The following TMEM163 variants were observed in gnomAD, a reference collection of about 807,000 sequenced individuals.
TMEM163 encodes transmembrane protein 163.
A neutral mutation model predicts 29.3 loss-of-function variants in TMEM163; 17 were observed. The observed-to-expected ratio is 0.58, with a 90% CI of 0.40 to 0.87. TMEM163 has a LOEUF of 0.87. Ranked by LOEUF, TMEM163 falls within the 40% of genes least tolerant of loss-of-function variation. TMEM163 has a pLI of 0.00. For synonymous variants in TMEM163, 157 were observed against 160.6 expected, an observed-to-expected ratio of 0.98 and a Z score of 0.17; for missense variants, 303 against 381.5, an observed-to-expected ratio of 0.79 and a Z score of 1.71.
intron 5 of TMEM163, among the ~76,000 whole-genome samples, chr2:134,480,873 C>T (rs1687037184): frequency 1.3e-5 from 2 of 152,110 alleles, no homozygotes; most frequent in Admixed American, 1.3e-4. Flanking sequence ...AATTAGCATA[C>T]AATAAAGGTA....
At chr2:134,630,121 T>C (rs1171787522) in intron 2 of TMEM163, among the ~76,000 whole-genome samples, 1 of 152,200 alleles carries the variant, frequency 6.6e-6, no homozygotes, top group Non-Finnish European at 1.5e-5. Context: ...AATCTGGGCT[T>C]CATTCCTGTC....
chr2:134,545,095 A>G (rs1558940221), intron 4 of TMEM163, among the ~76,000 whole-genome samples: 2 of 152,162 alleles, frequency 1.3e-5, no homozygotes, highest in Non-Finnish European at 1.5e-5. Context: ...AGAAAAAACC[A>G]CACATGCTAT....
chr2:134,492,053 G>A (rs968813216), intron 5 of TMEM163, among the ~76,000 whole-genome samples: 3 of 152,222 alleles, frequency 2.0e-5, no homozygotes, highest in South Asian at 2.1e-4. Context: ...GAGATCGGCC[G>A]TGGTTCAGCA....
chr2:134,708,560 T>A (rs1373622013), intron 2 of TMEM163, among the ~76,000 whole-genome samples: 1 of 151,328 alleles, frequency 6.6e-6, no homozygotes, highest in East Asian at 1.9e-4. Flanking sequence ...ATTTTTTATA[T>A]ATTTTTTAAT....
intron 2 of TMEM163, among the ~76,000 whole-genome samples, chr2:134,683,322 G>A (rs944501193): frequency 1.3e-5 from 2 of 151,954 alleles, no homozygotes; most frequent in African/African-American, 2.4e-5. Context: ...TATTGATAAC[G>A]GGGGGAAGCT....
chr2:134,604,938 G>A (rs549850176), intron 2 of TMEM163, among the ~76,000 whole-genome samples: 82 of 152,240 alleles, frequency 5.4e-4, no homozygotes, highest in African/African-American at 1.9e-3. Flanking sequence ...CCAGCACTTT[G>A]GGAGGCTGAG....
intron 5 of TMEM163, among the ~76,000 whole-genome samples, chr2:134,491,376 C>A (rs1679426973): frequency 6.6e-6 from 1 of 152,218 alleles, no homozygotes; most frequent in African/African-American, 2.4e-5. Context: ...GGGAGTTCAC[C>A]CCATTCAGGA....
At chr2:134,702,582 C>T (rs1204917821) in intron 2 of TMEM163, among the ~76,000 whole-genome samples, 1 of 152,028 alleles carries the variant, frequency 6.6e-6, no homozygotes, top group East Asian at 1.9e-4. Context: ...AAGGTCAAGG[C>T]TGCAGTGAGC....
At chr2:134,466,685 G>A (rs1574153042) in intron 5 of TMEM163, 1 of 159,500 alleles carries the variant, frequency 6.3e-6, no homozygotes, top group East Asian at 1.8e-4. Context: ...GTCAGTTAGG[G>A]CCAGAGCTAC....
intron 5 of TMEM163, among the ~76,000 whole-genome samples, chr2:134,489,686 G>A (rs1203110646): frequency 6.6e-6 from 1 of 152,112 alleles, no homozygotes; most frequent in Non-Finnish European, 1.5e-5. Flanking sequence ...ATAATTGGAG[G>A]TGATGGTGAA....
chr2:134,457,571 T>C (rs1026780036), intron 7 of TMEM163, among the ~76,000 whole-genome samples: 9 of 152,350 alleles, frequency 5.9e-5, no homozygotes, highest in African/African-American at 2.2e-4. Context: ...CAGCACGGCC[T>C]TTCTGCACTG....
intron 2 of TMEM163, among the ~76,000 whole-genome samples, chr2:134,608,752 C>T (rs1291649758): frequency 7.4e-5 from 4 of 54,068 alleles, no homozygotes; most frequent in South Asian, 7.5e-4. Flanking sequence ...GAGGACAGAC[C>T]CCGAGAACTG....
intron 2 of TMEM163, among the ~76,000 whole-genome samples, chr2:134,574,965 G>A (rs1196298623): frequency 2.6e-5 from 4 of 151,306 alleles, no homozygotes; most frequent in Admixed American, 2.6e-4. Context: ...TCCCCGTGGT[G>A]TAGCAGGGCT....
chr2:134,572,542 T>C (rs554380063), intron 2 of TMEM163, among the ~76,000 whole-genome samples: 57 of 152,338 alleles, frequency 3.7e-4, no homozygotes, highest in Admixed American at 6.5e-4. Context: ...TCCTTAGAGA[T>C]GGTCTATCTA....
chr2:134,586,251 A>G (rs1681820400), intron 2 of TMEM163, among the ~76,000 whole-genome samples: 2 of 152,222 alleles, frequency 1.3e-5, no homozygotes, highest in Admixed American at 1.3e-4. Context: ...AACACAAACT[A>G]GGTGGCTTAA....
chr2:134,707,531 C>T (rs1684840562), intron 2 of TMEM163, among the ~76,000 whole-genome samples: 1 of 152,136 alleles, frequency 6.6e-6, no homozygotes, highest in Non-Finnish European at 1.5e-5. Flanking sequence ...AAGGATCATT[C>T]CACATGCAGA....
intron 2 of TMEM163, among the ~76,000 whole-genome samples, chr2:134,657,137 A>G (rs1339090226): frequency 6.6e-6 from 1 of 152,076 alleles, no homozygotes; most frequent in African/African-American, 2.4e-5. Context: ...TTCCTCCTCA[A>G]TTTTTCGGAA....
Position 134,675,929 on chromosome 2 carries a change from A to T in TMEM163, c.322+37271T>A, listed in dbSNP as rs192742683. ...CTAAATAGACATGTTAGCTAGCCAG[A>T]TGCTTCCTGGTGGAGGGAATGTGAG... On this transcript the variant is annotated intron_variant, in intron 2 of 7. Coordinates refer to ENST00000281924, the MANE Select transcript of TMEM163 (RefSeq NM_030923.5). 4.3e-4 allele frequency among the ~76,000 whole-genome samples: 65 copies of T among 152,314 alleles called. No individual in the cohort carries two copies. In the South Asian group the frequency reaches 8.1e-3, roughly 19 times the overall value.
chr2:134,598,649 C>T (rs970403060), intron 2 of TMEM163, among the ~76,000 whole-genome samples: 9 of 152,154 alleles, frequency 5.9e-5, no homozygotes, highest in Non-Finnish European at 1.0e-4. Flanking sequence ...CGTGGTGGCT[C>T]ATGCCTGTAA....
Sources: allele counts gnomAD v4.1 joint callset (sites outside exome capture counted in the v4.1 genomes callset), GRCh38; gene constraint gnomAD v4.1.1; transcripts MANE v1.5; gene names NCBI Gene and HGNC (gene_info 2026-07-23, HGNC 2026-07-21).